C2orf76: variants seen among roughly 807,000 people sequenced by gnomAD.
C2orf76 encodes UPF0538 protein C2orf76.
C2orf76 carries 23 observed loss-of-function variants against 16.9 expected under a neutral mutation model. The ratio of observed to expected loss-of-function variants is 1.36; its 90% confidence interval spans 0.98 to 1.93. C2orf76 has a LOEUF of 1.93. Among genes scored for constraint, C2orf76 ranks in the 30% most tolerant of loss-of-function variants. The pLI, the probability that C2orf76 is intolerant of heterozygous loss-of-function variation, is 0.00. For missense variants in C2orf76, 152 were observed against 152.6 expected (o/e 1.00, Z 0.02); for synonymous variants, 48 against 52.3 (o/e 0.92, Z 0.35).
chr2:119,317,504 C>T lies in C2orf76; in HGVS notation c.185-1G>A. 1 of 1,604,216 alleles carries T rather than the reference C, an allele frequency of 6.2e-7. No individual in the cohort carries two copies. Among genetic ancestry groups the T allele is most frequent in the Admixed American group, 1.7e-5 (1 of 59,338 alleles). ...GCTTGATGAATAATCTTTAGTGCAT[C>T]TGAAAGAAAAAAGCAAGTTATCTTT... On this transcript the variant is annotated splice_acceptor_variant, in intron 3 of 5. Coordinates refer to ENST00000334816, the MANE Select transcript of C2orf76 (RefSeq NM_001322331.2). LOFTEE classifies it high-confidence loss of function.
chr2:119,311,239 C>T (rs996473630), intron 5 of C2orf76: 1 of 985,434 alleles, frequency 1.0e-6, no homozygotes, highest in Non-Finnish European at 1.2e-6. Context: ...GCATGTGATA[C>T]CAACAATGCG....
intron 5 of C2orf76, among the ~76,000 whole-genome samples, chr2:119,309,190 C>T (rs1405163812): frequency 1.3e-5 from 2 of 152,054 alleles, no homozygotes; most frequent in African/African-American, 2.4e-5. Context: ...CTGCACCTGG[C>T]CCCAGACTAG....
chr2:119,315,163 A>G lies in C2orf76; in HGVS notation c.222+2303T>C, dbSNP rs576039909. ...ATTATTCCGACTTTATAAACACACC[A>G]CTGATTACCATCCATAATACACACA... is the stretch of plus-strand genomic sequence containing the variant. On this transcript the variant is annotated intron_variant, in intron 4 of 5. Coordinates refer to ENST00000334816, the MANE Select transcript of C2orf76 (RefSeq NM_001322331.2). Among the ~76,000 whole-genome samples, 9 of 152,154 alleles carry G rather than the reference A, an allele frequency of 5.9e-5. No individual in the cohort carries two copies. The South Asian group carries it at 1.9e-3, about 32-fold the overall frequency.
At chr2:119,294,243 A>G in the C2orf76 span, among the ~76,000 whole-genome samples, 1 of 152,100 alleles carries the variant, frequency 6.6e-6, no homozygotes, top group Non-Finnish European at 1.5e-5. Flanking sequence ...AGCACTGCTG[A>G]GAGGTGAAGC....
the C2orf76 span, among the ~76,000 whole-genome samples, chr2:119,288,404 A>G: frequency 6.6e-6 from 1 of 151,944 alleles, no homozygotes; most frequent in Non-Finnish European, 1.5e-5. Context: ...TCAGCCTCCC[A>G]AAGTGCTGGG....
intron 2 of C2orf76, among the ~76,000 whole-genome samples, chr2:119,330,219 C>T (rs763217370): frequency 6.6e-5 from 10 of 151,786 alleles, no homozygotes; most frequent in South Asian, 2.1e-4. Flanking sequence ...ACTAAAAATA[C>T]GAAAAAAATT....
chr2:119,293,395 G>A, the C2orf76 span, among the ~76,000 whole-genome samples: 1 of 152,220 alleles, frequency 6.6e-6, no homozygotes, highest in African/African-American at 2.4e-5. Context: ...GCATGTGTAT[G>A]TTTACCAGCT....
intron 4 of C2orf76, 131 bp downstream of exon 4, chr2:119,317,335 G>C (rs966745240): frequency 1.8e-6 from 1 of 551,740 alleles, no homozygotes. Flanking sequence ...AGTAAAAAGG[G>C]TACCTACAAA....
intron 2 of C2orf76, among the ~76,000 whole-genome samples, chr2:119,325,641 T>A (rs1165186953): frequency 6.6e-6 from 1 of 151,986 alleles, no homozygotes; most frequent in Non-Finnish European, 1.5e-5. Context: ...AAATGATAAA[T>A]CATTTTCCAG....
downstream of C2orf76, among the ~76,000 whole-genome samples, chr2:119,299,773 C>T (rs531541742): frequency 1.1e-3 from 169 of 152,206 alleles, 3 homozygotes; most frequent in South Asian, 2.3e-3. Flanking sequence ...TAAAAATGCA[C>T]AGGTAAAGAT....
intron 1 of C2orf76, among the ~76,000 whole-genome samples, chr2:119,357,801 T>C (rs1344430080): frequency 2.0e-5 from 3 of 151,930 alleles, no homozygotes; most frequent in African/African-American, 7.3e-5. Context: ...CTGTCCCTAT[T>C]TGCAGATAAC....
chr2:119,282,214 A>T, the C2orf76 span, among the ~76,000 whole-genome samples: 3 of 152,310 alleles, frequency 2.0e-5, no homozygotes, highest in East Asian at 5.8e-4. Context: ...CATACATGAA[A>T]AATGAAACCA....
the C2orf76 span, among the ~76,000 whole-genome samples, chr2:119,287,635 C>T: frequency 2.0e-5 from 3 of 151,872 alleles, no homozygotes; most frequent in East Asian, 1.9e-4. Flanking sequence ...GATATTTGTT[C>T]GAAGACATTG....
At chr2:119,348,994 A>C (rs1193432282) in intron 1 of C2orf76, among the ~76,000 whole-genome samples, 1 of 152,228 alleles carries the variant, frequency 6.6e-6, no homozygotes, top group African/African-American at 2.4e-5. Context: ...TCTCAAAAAA[A>C]CAAAACAAAA....
chr2:119,322,691 T>G (rs1679382944), intron 2 of C2orf76, among the ~76,000 whole-genome samples: 1 of 152,076 alleles, frequency 6.6e-6, no homozygotes, highest in Non-Finnish European at 1.5e-5. Flanking sequence ...TTTCAACTGT[T>G]AAAAGAAAAA....
chr2:119,358,377 G>C (rs1680638172), intron 1 of C2orf76, among the ~76,000 whole-genome samples: 1 of 152,102 alleles, frequency 6.6e-6, no homozygotes, highest in Non-Finnish European at 1.5e-5. Context: ...AGGAGTTCAA[G>C]ACCAGCCTGA....
chr2:119,303,480 C>T (rs1219377881), intron 5 of C2orf76, among the ~76,000 whole-genome samples: 1 of 152,174 alleles, frequency 6.6e-6, no homozygotes, highest in East Asian at 1.9e-4. Flanking sequence ...CAAGATTATT[C>T]GTAATGCATA....
chr2:119,293,556 G>A, the C2orf76 span, among the ~76,000 whole-genome samples: 70 of 152,206 alleles, frequency 4.6e-4, no homozygotes, highest in African/African-American at 7.2e-5. Context: ...GAATTGCAGC[G>A]GGGCAGGAAT....
At chr2:119,305,742 C>T (rs1678755835) in intron 5 of C2orf76, among the ~76,000 whole-genome samples, 1 of 152,150 alleles carries the variant, frequency 6.6e-6, no homozygotes, top group South Asian at 2.1e-4. Context: ...TCCCAAATGT[C>T]ATAAAATCCT....
Sources: allele counts gnomAD v4.1 joint callset (sites outside exome capture counted in the v4.1 genomes callset), GRCh38; gene constraint gnomAD v4.1.1; transcripts MANE v1.5; gene names NCBI Gene and HGNC (gene_info 2026-07-23, HGNC 2026-07-21).